The following R3HCC1L variants were observed in gnomAD, a reference collection of about 807,000 sequenced individuals.
R3HCC1L encodes R3H domain and coiled-coil containing 1 like.
In R3HCC1L, 51 loss-of-function variants were observed where a neutral mutation model predicts 59.9. That is an observed-to-expected ratio of 0.85 (90% CI 0.68 to 1.07). The LOEUF is 1.07. Ranked by LOEUF, R3HCC1L falls within the 50% of genes least tolerant of loss-of-function variation. The pLI is 0.00. For synonymous variants in R3HCC1L, 322 were observed against 315.2 expected (o/e 1.02, Z -0.23); for missense variants, 965 against 933.0 (o/e 1.03, Z -0.45).
intron 5 of R3HCC1L, among the ~76,000 whole-genome samples, chr10:98,228,218 G>GT (rs1855904009): frequency 1.3e-5 from 2 of 152,110 alleles, no homozygotes; most frequent in African/African-American, 4.8e-5. Context: ...AAGTGTTCCT[G>GT]TTTCTCCACA....
rs556847986 is a variant in R3HCC1L, at chr10:98,180,126, C to T, written c.-15+16729C>T. On this transcript the variant is annotated intron_variant, in intron 4 of 9. Coordinates refer to ENST00000298999, the MANE Select transcript of R3HCC1L (RefSeq NM_001351015.2). ...TTTGAATGTGTTTGCTCTTGCTTCT[C>T]TAGTTCTTTTACTTGTTATGTTAGG... is the stretch of plus-strand genomic sequence containing the variant. 2.0e-5 allele frequency among the ~76,000 whole-genome samples: 3 copies of T among 152,220 alleles called. No homozygotes were observed. The East Asian group carries it at 5.8e-4, about 29-fold the overall frequency.
At chr10:98,193,243 C>T (rs1851050187) in intron 4 of R3HCC1L, among the ~76,000 whole-genome samples, 1 of 151,888 alleles carries the variant, frequency 6.6e-6, no homozygotes, top group Non-Finnish European at 1.5e-5. Context: ...TCACTTTCTT[C>T]AACATTGTAA....
At chr10:98,152,609 A>G (rs1348902597) in intron 1 of R3HCC1L, among the ~76,000 whole-genome samples, 2 of 104,898 alleles carry the variant, frequency 1.9e-5, no homozygotes, top group African/African-American at 6.5e-5. Flanking sequence ...AGCCGCCCAT[A>G]GTCTGAGATG....
intron 5 of R3HCC1L, among the ~76,000 whole-genome samples, chr10:98,216,933 G>GT (rs1430222814): frequency 6.6e-6 from 1 of 151,956 alleles, no homozygotes; most frequent in African/African-American, 2.4e-5. Context: ...CTTGAAGCAT[G>GT]TACATTTTAT....
chr10:98,148,414 A>G (rs1315440431), intron 1 of R3HCC1L, among the ~76,000 whole-genome samples: 19 of 152,134 alleles, frequency 1.2e-4, no homozygotes, highest in Admixed American at 1.2e-3. Flanking sequence ...CAGAACTTCC[A>G]GTATTATGTT....
At chr10:98,144,341 G>T (rs1845450937) in intron 1 of R3HCC1L, among the ~76,000 whole-genome samples, 1 of 151,974 alleles carries the variant, frequency 6.6e-6, no homozygotes. Context: ...TCAGCTTTCC[G>T]AGTAGCTGGG....
chr10:98,189,838 A>AT (rs1850640440), intron 4 of R3HCC1L, among the ~76,000 whole-genome samples: 1 of 152,198 alleles, frequency 6.6e-6, no homozygotes, highest in Non-Finnish European at 1.5e-5. Flanking sequence ...TTATGTTATT[A>AT]TATCACACAC....
rs1429755113 is a variant in R3HCC1L, at chr10:98,208,262, A to G, written c.148A>G (p.Lys50Glu). ...TTCACCTAACTCTGTGGTGAAAGAA[A>G]AGCAAAAAGAAAGTTCTCTCTCCCA... The part of the protein sequence containing the change: ...CGSPNSVVKE[K>E]QKESSLSQKE... The change falls in exon 5 of 10, where the codon AAG becomes GAG. Residue 50 changes from lysine (K) to glutamate (E), a missense_variant. By Grantham distance (56) the Lys-to-Glu change is moderately conservative. Transcript: ENST00000298999. The G allele has an allele frequency of 6.2e-7, 1 of 1,614,154 alleles. No individual in the cohort carries two copies. The highest frequency in any genetic ancestry group is 1.7e-5 in the Admixed American group (1 of 60,022).
chr10:98,202,549 A>G (rs1852167633), intron 4 of R3HCC1L, among the ~76,000 whole-genome samples: 1 of 152,112 alleles, frequency 6.6e-6, no homozygotes, highest in Non-Finnish European at 1.5e-5. Flanking sequence ...CATAAGGAGC[A>G]TTCTCTTAAA....
In R3HCC1L at chr10:98,211,496, G is replaced by T. The variant is rs935061631; in HGVS notation, c.1785+1597G>T. ...AGGTGGGAAGCTAGGTGAATATAGA[G>T]ATGTTATTAAGAACTAAAGCATTGA... On this transcript the variant is annotated intron_variant, in intron 5 of 9. Transcript: ENST00000298999. 38 of 1,136,320 alleles carry T rather than the reference G, an allele frequency of 3.3e-5. 1 individual carries two copies. Among genetic ancestry groups the T allele is most frequent in the Non-Finnish European group, 4.1e-5 (35 of 857,274 alleles). 70.4% of individuals were successfully genotyped at this position (1,136,320 alleles called of 1,614,324 possible).
chr10:98,189,105 G>C (rs7078491), intron 4 of R3HCC1L, among the ~76,000 whole-genome samples: 28,318 of 152,068 alleles, frequency 0.19, 2,773 homozygotes, highest in Middle Eastern at 0.21. Flanking sequence ...TACTTAGAGG[G>C]CTTTTATTGT....
rs760742984 is a variant in R3HCC1L, at chr10:98,209,674, C to T, written c.1560C>T (p.His520=). Residue 520 remains histidine (H), a synonymous_variant, in exon 5 of 10, where the codon CAC becomes CAT. Transcript: ENST00000298999. The part of the protein sequence containing the change: ...GSTGDTTEAL[H]ELRTAEEFKT... The stretch of plus-strand genomic sequence containing the variant: ...CTGGTGATACAACAGAAGCATTGCA[C>T]GAACTAAGAACTGCCGAAGAGTTCA... 13 of 1,613,928 alleles carry T rather than the reference C, an allele frequency of 8.1e-6. No homozygotes were observed. The highest frequency in any genetic ancestry group is 3.3e-4 in the Middle Eastern group (2 of 6,062).
intron 4 of R3HCC1L, among the ~76,000 whole-genome samples, chr10:98,194,233 G>A (rs1297795008): frequency 6.6e-6 from 1 of 152,034 alleles, no homozygotes; most frequent in Non-Finnish European, 1.5e-5. Flanking sequence ...ATGGAAAAAA[G>A]GATAGTTTCT....
At chr10:98,174,698 T>C (rs1327595577) in intron 4 of R3HCC1L, 4 of 984,294 alleles carry the variant, frequency 4.1e-6, no homozygotes, top group Non-Finnish European at 2.4e-6. Flanking sequence ...AGACTTTGTG[T>C]CTGAGAATGA....
chr10:98,222,623 A>G (rs1855149740), intron 5 of R3HCC1L, among the ~76,000 whole-genome samples: 1 of 152,142 alleles, frequency 6.6e-6, no homozygotes, highest in Non-Finnish European at 1.5e-5. Context: ...CTTTTTCTGC[A>G]TCTATTGAGA....
At chr10:98,214,506 T>TTA in intron 5 of R3HCC1L, among the ~76,000 whole-genome samples, 1 of 152,258 alleles carries the variant, frequency 6.6e-6, no homozygotes, top group Admixed American at 6.5e-5. Context: ...TGAGAATTGA[T>TTA]TATATGGGTT....
At chr10:98,173,060 T>G (rs1276683633) in intron 4 of R3HCC1L, among the ~76,000 whole-genome samples, 2 of 152,206 alleles carry the variant, frequency 1.3e-5, no homozygotes, top group Admixed American at 6.5e-5. Flanking sequence ...TTACCTAGAT[T>G]GTTAGGTTGC....
intron 4 of R3HCC1L, among the ~76,000 whole-genome samples, chr10:98,167,246 T>G (rs1207885157): frequency 2.0e-5 from 3 of 152,204 alleles, no homozygotes; most frequent in African/African-American, 7.2e-5. Context: ...TTTACTGTAT[T>G]GTAATTATTT....
At chr10:98,201,657 C>T (rs185390333) in intron 4 of R3HCC1L, among the ~76,000 whole-genome samples, 5 of 152,264 alleles carry the variant, frequency 3.3e-5, no homozygotes, top group Admixed American at 2.6e-4. Context: ...GAACACCAAA[C>T]TTAATTCTGT....
Sources: gnomAD v4.1 joint callset for allele counts (sites outside exome capture counted in the v4.1 genomes callset) on GRCh38, gnomAD v4.1.1 for gene constraint, MANE v1.5 for transcripts, NCBI Gene and HGNC (gene_info 2026-07-23, HGNC 2026-07-21) for gene names.